TBC1D31: variants seen among roughly 807,000 people sequenced by gnomAD.
The protein encoded by TBC1D31 is WD repeat domain 67.
In TBC1D31, 99 loss-of-function variants were observed where a neutral mutation model predicts 132.9. That is an observed-to-expected ratio of 0.74 (90% CI 0.63 to 0.88). The LOEUF is 0.88. Among genes scored for constraint, TBC1D31 ranks in the 40% least tolerant of loss-of-function variants. The pLI is 0.00. For synonymous variants in TBC1D31, 385 were observed against 419.4 expected, an observed-to-expected ratio of 0.92 and a Z score of 1.00; for missense variants, 1,134 against 1,256.6, an observed-to-expected ratio of 0.90 and a Z score of 1.48.
chr8:123,135,891 C>T (rs1041468746), intron 17 of TBC1D31, among the ~76,000 whole-genome samples: 3 of 152,144 alleles, frequency 2.0e-5, no homozygotes, highest in African/African-American at 7.2e-5. Context: ...AATTTTAGAA[C>T]TAACAGGGAA....
chr8:123,088,760 A>G (rs1254666098), intron 4 of TBC1D31, among the ~76,000 whole-genome samples: 3 of 152,090 alleles, frequency 2.0e-5, no homozygotes, highest in Non-Finnish European at 1.5e-5. Flanking sequence ...TATGGATTTC[A>G]TTTTTGATGG....
intron 4 of TBC1D31, among the ~76,000 whole-genome samples, chr8:123,086,589 T>C (rs906319430): frequency 6.6e-6 from 1 of 152,092 alleles, no homozygotes; most frequent in Non-Finnish European, 1.5e-5. Context: ...TCCAAGCCTG[T>C]CATATCTCTT....
intron 4 of TBC1D31, among the ~76,000 whole-genome samples, chr8:123,085,571 A>G (rs952062018): frequency 9.9e-5 from 15 of 152,194 alleles, no homozygotes; most frequent in East Asian, 1.9e-4. Context: ...AGTAGCTGGG[A>G]CTACAGGTGC....
chr8:123,102,380 T>C, intron 7 of TBC1D31: 1 of 385,630 alleles, frequency 2.6e-6, no homozygotes, highest in Non-Finnish European at 5.1e-6. Flanking sequence ...TAAAAAAAAG[T>C]TTGTGCCTCC....
chr8:123,097,580 G>T, intron 6 of TBC1D31, 139 bp downstream of exon 6: 2 of 1,094,588 alleles, frequency 1.8e-6, no homozygotes, highest in Non-Finnish European at 2.5e-6. Flanking sequence ...TTTTTGTGAA[G>T]AGTCTAGGAT....
At chr8:123,119,123 T>TA (rs1819232111) in intron 10 of TBC1D31, among the ~76,000 whole-genome samples, 1 of 152,196 alleles carries the variant, frequency 6.6e-6, no homozygotes, top group South Asian at 2.1e-4. Context: ...TCACCTAGAT[T>TA]AAAGGTTTTT....
At chr8:123,086,635 G>C (rs1815780075) in intron 4 of TBC1D31, among the ~76,000 whole-genome samples, 1 of 152,094 alleles carries the variant, frequency 6.6e-6, no homozygotes, top group South Asian at 2.1e-4. Context: ...TCCACCCTAA[G>C]GGAGCTGGCA....
At chr8:123,141,023 T>C in intron 18 of TBC1D31, 122 bp downstream of exon 18, 1 of 895,522 alleles carries the variant, frequency 1.1e-6, no homozygotes, top group Non-Finnish European at 1.8e-6. Context: ...TTGCTTCAGT[T>C]GTCACAGTTC....
intron 7 of TBC1D31, 150 bp downstream of exon 7, chr8:123,101,157 C>T (rs1817377303): frequency 1.7e-6 from 1 of 592,884 alleles, no homozygotes; most frequent in South Asian, 2.0e-5. Flanking sequence ...CCCAAAGCCA[C>T]ATCTCTGGCC....
At chr8:123,129,336 A>G (rs1005441391) in intron 15 of TBC1D31, 118 bp downstream of exon 15, 48 of 616,958 alleles carry the variant, frequency 7.8e-5, no homozygotes, top group South Asian at 2.6e-4. Flanking sequence ...CAGCTGTAGC[A>G]TTTCTATAAA....
downstream of TBC1D31, among the ~76,000 whole-genome samples, chr8:123,155,003 G>C (rs1252670414): frequency 6.6e-6 from 1 of 152,178 alleles, no homozygotes. This position sits in a 1 kb window ranked among gnomAD's most constrained non-coding sequence, Gnocchi z 4.1. Flanking sequence ...CTGCAGACCT[G>C]AGATGATTGA....
At chr8:123,104,694 T>A (rs1367692698) in intron 7 of TBC1D31, among the ~76,000 whole-genome samples, 1 of 152,202 alleles carries the variant, frequency 6.6e-6, no homozygotes, top group African/African-American at 2.4e-5. Flanking sequence ...TTTCCGTGTT[T>A]GATGGGCCCC....
chr8:123,084,335 C>A lies in TBC1D31; in HGVS notation c.514C>A (p.Gln172Lys), dbSNP rs1554604602. The A allele has an allele frequency of 1.5e-5, 25 of 1,613,882 alleles. 1 individual carries two copies. The South Asian group carries it at 2.7e-4, about 18-fold the overall frequency. Residue 172 changes from glutamine (Q) to lysine (K), a missense_variant, in exon 4 of 22, where the codon CAG (glutamine) becomes AAG (lysine). Physicochemically the swap from Gln to Lys is moderately conservative, Grantham distance 53 (BLOSUM62 1). Coordinates refer to ENST00000287380, the MANE Select transcript of TBC1D31 (RefSeq NM_145647.4). ...GAATATTCGCCAGTCTGTGGGTATA[C>A]AGAAGGTCAGTGAGGGGGTACATCT... ...KLNIRQSVGI[Q>K]KVFFLPLSNT...
At chr8:123,126,739 C>CT (rs1820075907) in intron 13 of TBC1D31, 52 bp downstream of exon 13, 4 of 1,487,758 alleles carry the variant, frequency 2.7e-6, no homozygotes, top group Non-Finnish European at 3.6e-6. Flanking sequence ...TTATTTCTCT[C>CT]TATTTTTTTT....
At chr8:123,149,356 C>T (rs1225292960) in intron 20 of TBC1D31, among the ~76,000 whole-genome samples, 2 of 152,132 alleles carry the variant, frequency 1.3e-5, no homozygotes, top group African/African-American at 4.8e-5. Context: ...GACATCTTAC[C>T]GATTTAATGA....
chr8:123,120,621 G>A (rs1819383154), intron 11 of TBC1D31, among the ~76,000 whole-genome samples: 1 of 152,228 alleles, frequency 6.6e-6, no homozygotes, highest in Middle Eastern at 3.4e-3. Flanking sequence ...GCAGTGAGCT[G>A]AGATTGCTCT....
intron 6 of TBC1D31, among the ~76,000 whole-genome samples, chr8:123,098,113 T>C (rs1817012626): frequency 6.6e-6 from 1 of 152,200 alleles, no homozygotes; most frequent in Admixed American, 6.5e-5. Flanking sequence ...ATCATGTCCA[T>C]TTTACTTACT....
At chr8:123,144,926 A>AT (rs3080678) in intron 20 of TBC1D31, 71 bp downstream of exon 20, 83,129 of 1,119,972 alleles carry the variant, frequency 0.074, 41 homozygotes, top group Non-Finnish European at 0.078. Flanking sequence ...TATTATTATG[A>AT]TTTTTTTTTT....
chr8:123,157,585 C>T, the TBC1D31 span, among the ~76,000 whole-genome samples: 1 of 152,152 alleles, frequency 6.6e-6, no homozygotes, highest in African/African-American at 2.4e-5. Context: ...CACTCGTGAA[C>T]GCATGAAACA....
Sources: gnomAD v4.1 joint callset for allele counts (sites outside exome capture counted in the v4.1 genomes callset) on GRCh38, gnomAD v4.1.1 for gene constraint, Gnocchi (gnomAD v3.1) non-coding constraint, MANE v1.5 for transcripts, NCBI Gene and HGNC (gene_info 2026-07-23, HGNC 2026-07-21) for gene names.